The following CMYA5 variants were observed in gnomAD, a reference collection of about 807,000 sequenced individuals.
CMYA5 encodes the protein cardiomyopathy-associated protein 5.
Under a neutral mutation model 318.9 loss-of-function variants are expected in CMYA5, and 246 were observed. The observed-to-expected ratio is 0.77, with a 90% CI of 0.70 to 0.86. The LOEUF (loss-of-function observed/expected upper bound fraction) is 0.86, where lower values mean the gene tolerates loss of function less well. CMYA5 is among the 40% of genes least tolerant of loss of function. The pLI, the probability that CMYA5 is intolerant of heterozygous loss-of-function variation, is 0.00. For missense variants in CMYA5, 4,589 were observed against 4,678.2 expected, an observed-to-expected ratio of 0.98 and a Z score of 0.56; for synonymous variants, 1,641 against 1,729.5, an observed-to-expected ratio of 0.95 and a Z score of 1.27.
Position 79,793,305 on chromosome 5 carries a change from C to T in CMYA5, c.11790-132C>T. The T allele has an allele frequency of 3.7e-6, 3 of 811,928 alleles. No individual in the cohort carries two copies. In the South Asian group the frequency reaches 5.2e-5, roughly 14 times the overall value. The allele number at this position is 811,928 out of a possible 1,614,324, so 50.3% of individuals were successfully genotyped here. On this transcript the variant is annotated intron_variant, in intron 11 of 12. Transcript: ENST00000446378. The stretch of plus-strand genomic sequence containing the variant: ...GTTAGGGATACAATGAACAGAGTAT[C>T]TTTAGTTAAATTCCAGCAGTTTCCA...
intron 6 of CMYA5, among the ~76,000 whole-genome samples, chr5:79,758,446 C>T (rs371943426): frequency 6.6e-6 from 1 of 150,750 alleles, no homozygotes; most frequent in South Asian, 2.1e-4. Flanking sequence ...GCAGAAGAAT[C>T]GCTTGAATCT....
At chr5:79,726,932 T>TTTTTTTTTTTTA (rs1827760242) in intron 1 of CMYA5, among the ~76,000 whole-genome samples, 2 of 146,280 alleles carry the variant, frequency 1.4e-5, no homozygotes, top group African/African-American at 2.6e-5. Flanking sequence ...TTTTTTTTTT[T>TTTTTTTTTTTTA]GAGACGGAGT....
At position 79,730,815 on chromosome 5, in the gene CMYA5, G is replaced by T. The variant is rs1351450920; in HGVS notation, c.2050G>T (p.Ala684Ser). 1.2e-6 allele frequency: 2 copies of T among 1,613,862 alleles called. No homozygotes were observed. Among genetic ancestry groups the T allele is most frequent in the South Asian group, 1.1e-5 (1 of 91,070 alleles). Reference protein sequence around the residue: ...PEYMVLSGDEASESGCYTPDS... With the variant: ...PEYMVLSGDESSESGCYTPDS... The stretch of plus-strand genomic sequence containing the variant: ...ATACATGGTCCTATCAGGAGACGAG[G>T]CCTCAGAAAGTGGGTGTTACACACC... The change falls in exon 2 of 13, where the codon GCC becomes TCC. Residue 684 changes from alanine to serine, a missense_variant. This residue lies in a region of CMYA5 where 2,132 missense variants were observed against 2,131.3 expected (regional missense o/e 1.00). Transcript: ENST00000446378.
rs768812462 is a variant in CMYA5 at position 79,752,654 on chromosome 5, G to A, written c.10992-22G>A. ...GTATGTTAATAATTTTTTAACTTAT[G>A]TAGAGCTCTATTCCCCGATAGGTTG... On this transcript the variant is annotated intron_variant, in intron 5 of 12. Transcript: ENST00000446378. 16 of 1,521,364 alleles carry A rather than the reference G, an allele frequency of 1.1e-5. 1 individual carries two copies. In the East Asian group the frequency reaches 1.4e-4, roughly 13 times the overall value. The allele number at this position is 1,521,364 out of a possible 1,614,324, so 94.2% of individuals were successfully genotyped here.
chr5:79,733,764 T>C lies in CMYA5; in HGVS notation c.4999T>C (p.Ser1667Pro). Residue 1667 changes from serine to proline, a missense_variant, in exon 2 of 13, where the codon TCT (serine) becomes CCT (proline). Physicochemically the swap from Ser to Pro is moderately conservative, Grantham distance 74. Around this residue, in one of 3 missense-constraint regions of CMYA5, gnomAD observed 2,132 missense variants for 2,131.3 expected, o/e 1.00. Coordinates refer to ENST00000446378, the MANE Select transcript of CMYA5 (RefSeq NM_153610.5). ...GTCTCCCATAACTGAAACAGAGGAT[T>C]CTGTTTTAGAAAAAGGCCCAGCTGA... ...AKSPITETED[S>P]VLEKGPAELR... is the part of the protein sequence containing the mutation. 1 of 1,613,440 alleles carries C rather than the reference T, an allele frequency of 6.2e-7. No homozygotes were observed. The highest frequency in any genetic ancestry group is 1.3e-5 in the African/African-American group (1 of 74,920).
chr5:79,748,994 A>C (rs1828383884), intron 5 of CMYA5, among the ~76,000 whole-genome samples: 1 of 152,218 alleles, frequency 6.6e-6, no homozygotes, highest in African/African-American at 2.4e-5. Context: ...GAAAAATGCA[A>C]TAGAATGTTT....
rs759553376 is a variant in CMYA5, at chr5:79,736,675, C to T, written c.7910C>T (p.Pro2637Leu). 14 of 1,613,286 alleles carry T rather than the reference C, an allele frequency of 8.7e-6. No homozygotes were observed. The highest frequency in any genetic ancestry group is 1.3e-5 in the African/African-American group (1 of 74,736). The change falls in exon 2 of 13, where the codon CCG (proline) becomes CTG (leucine). Residue 2637 changes from proline to leucine, a missense_variant. Pro to Leu is a moderately conservative substitution (Grantham distance 98). Coordinates refer to ENST00000446378, the MANE Select transcript of CMYA5 (RefSeq NM_153610.5). ...VLVEKTKTFL[P>L]VALSCRDEIE... ...GTGGAGAAAACCAAGACTTTCCTGC[C>T]GGTGGCTCTTTCTTGTCGTGATGAA...
At chr5:79,776,792 A>T (rs1162348360) in intron 9 of CMYA5, among the ~76,000 whole-genome samples, 2 of 152,138 alleles carry the variant, frequency 1.3e-5, no homozygotes. Flanking sequence ...TTTAAAAAAC[A>T]ATACCTATTT....
chr5:79,718,830 CCAT>C (rs1827567446), intron 1 of CMYA5, among the ~76,000 whole-genome samples: 2 of 152,146 alleles, frequency 1.3e-5, no homozygotes, highest in Non-Finnish European at 2.9e-5. Flanking sequence ...CAAATACTCA[CCAT>C]TGCATTACAG....
intron 12 of CMYA5, among the ~76,000 whole-genome samples, chr5:79,793,827 T>C (rs1829225293): frequency 1.3e-5 from 2 of 152,126 alleles, no homozygotes; most frequent in African/African-American, 4.8e-5. Context: ...TGAAGAGGGT[T>C]TCTTATATTA....
In CMYA5 at chr5:79,730,877, A is replaced by C. The variant is rs1827878521; in HGVS notation, c.2112A>C (p.Ser704=). 1 of 1,613,816 alleles carries C rather than the reference A, an allele frequency of 6.2e-7. No individual in the cohort carries two copies. ...CTGCTTCTGAATATTCAGTTCCATC[A>C]CTGGCAACAAAAGAGTCACTGAAGA... ...STSASEYSVP[S]LATKESLKKT... The change falls in exon 2 of 13, where the codon TCA becomes TCC. Residue 704 remains serine, a synonymous_variant. Transcript: ENST00000446378.
At chr5:79,773,767 A>G (rs916585025) in intron 9 of CMYA5, among the ~76,000 whole-genome samples, 1 of 152,240 alleles carries the variant, frequency 6.6e-6, no homozygotes, top group African/African-American at 2.4e-5. Context: ...ACTTCAAGCC[A>G]TCTAACTGGC....
intron 6 of CMYA5, among the ~76,000 whole-genome samples, chr5:79,754,394 A>T (rs911336586): frequency 1.3e-5 from 2 of 152,226 alleles, no homozygotes; most frequent in African/African-American, 4.8e-5. Flanking sequence ...ATATCAAATC[A>T]TCTAATCTCA....
In CMYA5 at chr5:79,731,213, C is replaced by T; in HGVS notation, c.2448C>T (p.Ile816=). ...CACAGGAATCTCAAAAGAAAATAAT[C>T]AATGAGGCATCCCAATTCAAACCAA... ...NATQESQKKI[I]NEASQFKPKG... The change falls in exon 2 of 13, where the codon ATC becomes ATT. Residue 816 remains isoleucine, a synonymous_variant. Coordinates refer to ENST00000446378, the MANE Select transcript of CMYA5 (RefSeq NM_153610.5). 5.6e-6 allele frequency: 9 copies of T among 1,613,962 alleles called. No individual in the cohort carries two copies. Among genetic ancestry groups the T allele is most frequent in the Non-Finnish European group, 7.6e-6 (9 of 1,179,870 alleles).
At chr5:79,698,380 C>CTAGT (rs1369786189) in intron 1 of CMYA5, among the ~76,000 whole-genome samples, 1 of 152,138 alleles carries the variant, frequency 6.6e-6, no homozygotes, top group Non-Finnish European at 1.5e-5. Context: ...GTGCCACTTA[C>CTAGT]TAGTTGTGTG....
intron 9 of CMYA5, among the ~76,000 whole-genome samples, chr5:79,773,302 C>G (rs1328183944): frequency 6.6e-6 from 1 of 152,156 alleles, no homozygotes; most frequent in African/African-American, 2.4e-5. Flanking sequence ...TGAGGATAAT[C>G]TCTTATTTAA....
intron 10 of CMYA5, among the ~76,000 whole-genome samples, chr5:79,790,501 C>T (rs1829157241): frequency 2.6e-5 from 4 of 152,090 alleles, no homozygotes; most frequent in Admixed American, 1.3e-4. Flanking sequence ...GAGCTCCTGA[C>T]CTTGTGATCT....
chr5:79,734,192 A>G lies in CMYA5; in HGVS notation c.5427A>G (p.Pro1809=). 2 of 1,613,892 alleles carry G rather than the reference A, an allele frequency of 1.2e-6. No homozygotes were observed. Among genetic ancestry groups the G allele is most frequent in the Non-Finnish European group, 1.7e-6 (2 of 1,179,830 alleles). ...SSQVLQSITE[P]SKIAPSDLLV... The stretch of plus-strand genomic sequence containing the variant: ...AGGTACTCCAGAGTATAACAGAACC[A>G]TCAAAGATTGCTCCTTCTGACCTCC... The change falls in exon 2 of 13, where the codon CCA becomes CCG. Residue 1809 remains proline, a synonymous_variant. Coordinates refer to ENST00000446378, the MANE Select transcript of CMYA5 (RefSeq NM_153610.5).
chr5:79,741,748 TTATCTC>T (rs113653363), intron 2 of CMYA5, among the ~76,000 whole-genome samples: 7,852 of 152,276 alleles, frequency 0.052, 381 homozygotes, highest in East Asian at 0.25. Flanking sequence ...TATGTTTTGT[TTATCTC>T]TATGAGTTTT....
Sources: allele counts gnomAD v4.1 joint callset (sites outside exome capture counted in the v4.1 genomes callset), GRCh38; gene constraint gnomAD v4.1.1; regional missense constraint gnomAD v4.1.1; transcripts MANE v1.5; gene names NCBI Gene and HGNC (gene_info 2026-07-23, HGNC 2026-07-21).